TRIM16: variants seen among roughly 807,000 people sequenced by gnomAD.
TRIM16 encodes tripartite motif containing 16.
TRIM16 carries 33 observed loss-of-function variants against 50.4 expected under a neutral mutation model. The ratio of observed to expected loss-of-function variants is 0.65; its 90% CI spans 0.50 to 0.88. The LOEUF (loss-of-function observed/expected upper bound fraction) is 0.88, where lower values mean the gene tolerates loss of function less well. Among genes scored for constraint, TRIM16 ranks in the 40% least tolerant of loss-of-function variants. The pLI, the probability that TRIM16 is intolerant of heterozygous loss-of-function variation, is 0.00. For synonymous variants in TRIM16, 229 were observed against 270.7 expected (o/e 0.85, Z 1.51); for missense variants, 581 against 686.8 (o/e 0.85, Z 1.72).
chr17:15,658,785 G>A (rs998619830), intron 6 of TRIM16: 2 of 985,256 alleles, frequency 2.0e-6, no homozygotes, highest in African/African-American at 3.5e-5. Flanking sequence ...AACCAGCCCA[G>A]AATTTTACTG....
intron 10 of TRIM16, 200 bp from the exon 11 acceptor site, chr17:15,631,914 C>A (rs2034260094): frequency 3.3e-6 from 2 of 598,860 alleles, no homozygotes; most frequent in Non-Finnish European, 2.9e-6. Flanking sequence ...GTGATCCAGA[C>A]CATCTTGGAT....
intron 7 of TRIM16, among the ~76,000 whole-genome samples, chr17:15,646,019 A>C (rs1987359839): frequency 6.6e-6 from 1 of 152,218 alleles, no homozygotes; most frequent in East Asian, 1.9e-4. Flanking sequence ...ACACCCTAGC[A>C]ACAGGCTCCT....
chr17:15,670,751 G>T (rs1293596943), intron 6 of TRIM16, among the ~76,000 whole-genome samples: 1 of 152,220 alleles, frequency 6.6e-6, no homozygotes, highest in Non-Finnish European at 1.5e-5. Flanking sequence ...GGTGTTACTG[G>T]AATCTTTTTA....
intron 6 of TRIM16, among the ~76,000 whole-genome samples, chr17:15,664,410 TA>T (rs901309206): frequency 1.8e-4 from 28 of 152,144 alleles, no homozygotes; most frequent in African/African-American, 5.3e-4. Context: ...AGAGTGAAAG[TA>T]ATGAAAGCCA....
At chr17:15,643,964 G>A (rs62070422) in intron 7 of TRIM16, among the ~76,000 whole-genome samples, 5 of 152,072 alleles carry the variant, frequency 3.3e-5, no homozygotes, top group Middle Eastern at 3.4e-3. Context: ...TAAAACGTGT[G>A]GGTTTTTTTC....
At position 15,677,169 on chromosome 17, in the gene TRIM16, CACTT is replaced by C. The variant is rs60412869; in HGVS notation, c.-338+3_-338+6del. ...CTAAAGATGCAATCTGCCTTGTTCT[CACTT>C]ACGTGTACCGCTGCTTCTTGGCACC... is the stretch of plus-strand genomic sequence containing the variant. On this transcript the variant is annotated splice_donor_5th_base_variant and intron_variant, in intron 6 of 11. Coordinates refer to ENST00000649191, the MANE Select transcript of TRIM16 (RefSeq NM_001348119.1). 2,708 of 985,382 alleles carry C rather than the reference CACTT, an allele frequency of 2.7e-3. 50 individuals carry two copies. The African/African-American group carries it at 0.043, about 16-fold the overall frequency. The allele number at this position is 985,382 out of a possible 1,614,324, so 61.0% of individuals were successfully genotyped here. A position where few individuals can be genotyped will look rare whatever the true frequency, so the allele number is the denominator to read the frequency against.
intron 6 of TRIM16, among the ~76,000 whole-genome samples, chr17:15,665,237 G>A (rs1183891178): frequency 6.6e-6 from 1 of 152,184 alleles, no homozygotes; most frequent in Non-Finnish European, 1.5e-5. Flanking sequence ...TAGAGGCCGG[G>A]CGCAGTGGCT....
At chr17:15,631,358 A>C (rs1479831515) in intron 11 of TRIM16, among the ~76,000 whole-genome samples, 1 of 152,242 alleles carries the variant, frequency 6.6e-6, no homozygotes, top group Non-Finnish European at 1.5e-5. Flanking sequence ...TAGTTATGTA[A>C]TGTGTTAACA....
intron 1 of TRIM16, 176 bp from the exon 2 acceptor site, chr17:15,683,333 C>T (rs1989258232): frequency 1.8e-6 from 1 of 542,354 alleles, no homozygotes; most frequent in Non-Finnish European, 3.3e-6. Flanking sequence ...AGGCAAGTCT[C>T]AGTACCTTTA....
Position 15,628,703 on chromosome 17 carries a change from A to C in TRIM16, c.1607T>G (p.Leu536Arg). ...CCGGATGGCGTTTTCCTTCTTGGAA[A>C]GCCAGAAGGCAGCATAGACTGGTTC... ...FSEPVYAAFW[L>R]SKKENAIRIV... The change falls in exon 12 of 12, where the codon CTT (leucine) becomes CGT (arginine). Residue 536 changes from leucine to arginine, a missense_variant. Around this residue, in one of 3 missense-constraint regions of TRIM16, gnomAD observed 115 missense variants for 106.7 expected, o/e 1.08. Coordinates refer to ENST00000649191, the MANE Select transcript of TRIM16 (RefSeq NM_001348119.1). The C allele has an allele frequency of 1.2e-6, 2 of 1,614,200 alleles. No homozygotes were observed. Among genetic ancestry groups the C allele is most frequent in the Non-Finnish European group, 1.7e-6 (2 of 1,180,036 alleles).
chr17:15,668,100 C>T (rs979227254), intron 6 of TRIM16, among the ~76,000 whole-genome samples: 1 of 152,166 alleles, frequency 6.6e-6, no homozygotes, highest in Non-Finnish European at 1.5e-5. Flanking sequence ...TCACCCCGCA[C>T]GATCTATCTG....
intron 8 of TRIM16, among the ~76,000 whole-genome samples, chr17:15,637,440 T>G (rs1597610490): frequency 2.2e-5 from 2 of 91,810 alleles, no homozygotes; most frequent in African/African-American, 4.4e-5. Flanking sequence ...ATCTGGGAGG[T>G]GAGGGGCGCC....
chr17:15,629,820 G>C (rs1381366541), intron 11 of TRIM16, among the ~76,000 whole-genome samples: 1 of 152,100 alleles, frequency 6.6e-6, no homozygotes, highest in African/African-American at 2.4e-5. Context: ...TAACTCCTAC[G>C]GATTCTACCA....
intron 6 of TRIM16, among the ~76,000 whole-genome samples, chr17:15,676,539 C>T (rs375837006): frequency 2.4e-4 from 37 of 151,310 alleles, no homozygotes; most frequent in African/African-American, 7.8e-4. Context: ...GGGTTCACGC[C>T]ATTCTCCTGC....
intron 11 of TRIM16, among the ~76,000 whole-genome samples, chr17:15,631,236 T>C (rs542978627): frequency 6.6e-6 from 1 of 152,230 alleles, no homozygotes; most frequent in South Asian, 2.1e-4. Context: ...GATTGGACTT[T>C]GGGCCAGAAA....
At chr17:15,651,070 G>T in intron 7 of TRIM16, 21 bp downstream of exon 7, 1 of 1,586,372 alleles carries the variant, frequency 6.3e-7, no homozygotes, top group South Asian at 1.2e-5. Context: ...CCAAATGGAT[G>T]AATGGTCCCC....
rs1430209720 is a variant in TRIM16 at position 15,680,965 on chromosome 17, T to C, written c.-678-12A>G. The C allele has an allele frequency of 2.0e-5, 30 of 1,492,234 alleles. No homozygotes were observed. Among genetic ancestry groups the C allele is most frequent in the African/African-American group, 2.9e-5 (2 of 69,954 alleles). The allele number at this position is 1,492,234 out of a possible 1,614,324, so 92.4% of individuals were successfully genotyped here. On this transcript the variant is annotated splice_polypyrimidine_tract_variant and intron_variant, in intron 3 of 11. Transcript: ENST00000649191. ...CTCAGAGGGCAGAACTGGAAGGAAA[T>C]TGACATAAAGGAACCTGGTTTATCT... is the stretch of plus-strand genomic sequence containing the variant.
chr17:15,641,556 T>C (rs374146202), intron 8 of TRIM16, among the ~76,000 whole-genome samples: 5 of 149,084 alleles, frequency 3.4e-5, no homozygotes, highest in South Asian at 4.4e-4. Flanking sequence ...AGACCCTCCA[T>C]GTGGTTCTAC....
chr17:15,645,662 A>G (rs1464074109), intron 7 of TRIM16, among the ~76,000 whole-genome samples: 3 of 152,218 alleles, frequency 2.0e-5, no homozygotes, highest in Admixed American at 6.5e-5. Flanking sequence ...CTCAGAGAGC[A>G]TAAACTGTCT....
Sources: allele counts gnomAD v4.1 joint callset (sites outside exome capture counted in the v4.1 genomes callset), GRCh38; gene constraint gnomAD v4.1.1; regional missense constraint gnomAD v4.1.1; transcripts MANE v1.5; gene names NCBI Gene and HGNC (gene_info 2026-07-23, HGNC 2026-07-21).